Variants in SLC4A5 observed in about 807,000 individuals in gnomAD.
The protein encoded by SLC4A5 is solute carrier family 4 member 5, also known as electrogenic sodium bicarbonate cotransporter 4.
Under a neutral mutation model 120.4 loss-of-function variants are expected in SLC4A5, and 96 were observed. The observed-to-expected ratio is 0.80, with a 90% CI of 0.68 to 0.94. The LOEUF is 0.94. Among genes scored for constraint, SLC4A5 ranks in the 40% least tolerant of loss-of-function variants. The pLI, the probability that SLC4A5 is intolerant of heterozygous loss-of-function variation, is 0.00. For missense variants in SLC4A5, 1,259 were observed against 1,459.5 expected (o/e 0.86, Z 2.24); for synonymous variants, 550 against 571.1 (o/e 0.96, Z 0.53).
chr2:74,284,106 T>C (rs1671900497), intron 8 of SLC4A5, among the ~76,000 whole-genome samples: 2 of 151,422 alleles, frequency 1.3e-5, no homozygotes, highest in Non-Finnish European at 3.0e-5. Context: ...TCTTGGCCTC[T>C]CAAAATGTTG....
chr2:74,275,200 C>A (rs937853472), intron 8 of SLC4A5, among the ~76,000 whole-genome samples: 1 of 152,082 alleles, frequency 6.6e-6, no homozygotes, highest in African/African-American at 2.4e-5. Context: ...GTGTGGCATT[C>A]GAGGGAGCTG....
intron 11 of SLC4A5, among the ~76,000 whole-genome samples, chr2:74,261,080 C>A (rs1392381612): frequency 6.6e-6 from 1 of 152,190 alleles, no homozygotes; most frequent in African/African-American, 2.4e-5. Flanking sequence ...CCTCTCTGAT[C>A]CTTCCCCTGT....
rs1194264243 is a variant in SLC4A5 at position 74,239,316 on chromosome 2, A to C, written c.2319+19T>G. 6.2e-7 allele frequency: 1 copy of C among 1,612,966 alleles called. No homozygotes were observed. Among genetic ancestry groups the C allele is most frequent in the Admixed American group, 1.7e-5 (1 of 60,032 alleles). ...GCTGTCTGACTGCAGGTCCCCTCCT[A>C]ACTGCAGGGTGAGCTTACCTTGGTA... On this transcript the variant is annotated intron_variant, in intron 21 of 30. Transcript: ENST00000394019.
At chr2:74,285,553 T>C (rs1431855078) in intron 8 of SLC4A5, among the ~76,000 whole-genome samples, 1 of 152,224 alleles carries the variant, frequency 6.6e-6, no homozygotes, top group East Asian at 1.9e-4. Flanking sequence ...GGATGACTGT[T>C]CTATCTTCCC....
At position 74,233,640 on chromosome 2, in the gene SLC4A5, C is replaced by T. The variant is rs1050310808; in HGVS notation, c.2434-77G>A. The T allele has an allele frequency of 4.1e-6, 6 of 1,466,662 alleles. No homozygotes were observed. In the African/African-American group the frequency reaches 8.5e-5, roughly 21 times the overall value. The allele number at this position is 1,466,662 out of a possible 1,614,324, so 90.9% of individuals were successfully genotyped here. A position where few individuals can be genotyped will look rare whatever the true frequency, so the allele number is the denominator to read the frequency against. On this transcript the variant is annotated intron_variant, in intron 22 of 30. Coordinates refer to ENST00000394019, the Ensembl canonical transcript of SLC4A5. ...GCACTTGTCGCCTGGCCTGCTGTCCCACCTCCTCAACTTTCCCTGACTTTG... is the reference window on the plus strand; with the variant it reads ...GCACTTGTCGCCTGGCCTGCTGTCCTACCTCCTCAACTTTCCCTGACTTTG...
intron 4 of SLC4A5, among the ~76,000 whole-genome samples, chr2:74,330,134 G>GTAGATGGAGGTGGTGATATC (rs1025055684): frequency 1.3e-5 from 2 of 148,594 alleles, no homozygotes; most frequent in Non-Finnish European, 3.0e-5. Context: ...GTCGTGAGGT[G>GTAGATGGAGGTGGTGATATC]TAGATGGAGG....
At chr2:74,284,821 C>T (rs1421547522) in intron 8 of SLC4A5, among the ~76,000 whole-genome samples, 2 of 152,132 alleles carry the variant, frequency 1.3e-5, no homozygotes, top group African/African-American at 4.8e-5. Context: ...TTCTGCTCTC[C>T]GTATATATGG....
At position 74,260,029 on chromosome 2, in the gene SLC4A5, G is replaced by T. The variant is rs117681335; in HGVS notation, c.812-386C>A. On this transcript the variant is annotated intron_variant, in intron 11 of 30. Transcript: ENST00000394019. ...CCATGTGTCACTTAGCTTGGAATTTGCTGGAGGGGGAGCAGTTTCACCTCT... is the reference window on the plus strand; with the variant it reads ...CCATGTGTCACTTAGCTTGGAATTTTCTGGAGGGGGAGCAGTTTCACCTCT... Among the ~76,000 whole-genome samples, 41 of 152,324 alleles carry T rather than the reference G, an allele frequency of 2.7e-4. 2 individuals carry two copies. The East Asian group carries it at 6.9e-3, about 26-fold the overall frequency.
At chr2:74,251,094 A>T (rs558503779) in intron 16 of SLC4A5, among the ~76,000 whole-genome samples, 1 of 152,276 alleles carries the variant, frequency 6.6e-6, no homozygotes, top group South Asian at 2.1e-4. Flanking sequence ...AGAGTTTCTC[A>T]ACCTCAGTTC....
Position 74,255,875 on chromosome 2 carries a change from C to A in SLC4A5, c.925G>T (p.Val309Leu). 1 of 1,614,182 alleles carries A rather than the reference C, an allele frequency of 6.2e-7. No individual in the cohort carries two copies. The highest frequency in any genetic ancestry group is 1.3e-5 in the African/African-American group (1 of 75,038). ...TGGTCTAGGAAGTCCACCTCGCCCA[C>A]GAGCACGTTGGACGCTTCTGAGTCC... The change falls in exon 13 of 31, where the codon GTG (valine) becomes TTG (leucine). Residue 309 changes from valine to leucine, a missense_variant. Val to Leu is a conservative substitution (Grantham distance 32, BLOSUM62 1). Coordinates refer to ENST00000394019, the Ensembl canonical transcript of SLC4A5. This position sits in a 1 kb window ranked among gnomAD's most constrained non-coding sequence, Gnocchi z 4.0.
intron 2 of SLC4A5, among the ~76,000 whole-genome samples, chr2:74,341,296 C>T (rs936768586): frequency 2.3e-5 from 3 of 128,140 alleles, no homozygotes; most frequent in African/African-American, 3.4e-5. Flanking sequence ...CAGAGCGAGA[C>T]TCCATCTCAA....
intron 6 of SLC4A5, among the ~76,000 whole-genome samples, chr2:74,310,950 G>A (rs1016725983): frequency 7.4e-6 from 1 of 134,842 alleles, no homozygotes; most frequent in Non-Finnish European, 1.6e-5. Context: ...TTTTTTTTTT[G>A]GTAAGTTGTT....
chr2:74,251,840 G>A (rs1670801784), intron 16 of SLC4A5, among the ~76,000 whole-genome samples: 1 of 152,210 alleles, frequency 6.6e-6, no homozygotes, highest in African/African-American at 2.4e-5. Flanking sequence ...CACCTGCTGT[G>A]GAACTCCTGG....
intron 21 of SLC4A5, among the ~76,000 whole-genome samples, chr2:74,238,119 T>A (rs954862621): frequency 2.0e-5 from 3 of 151,548 alleles, no homozygotes; most frequent in Admixed American, 6.6e-5. Context: ...ATAATAATAA[T>A]AAAATAATAA....
intron 6 of SLC4A5, chr2:74,307,143 G>C (rs1316719458): frequency 3.6e-6 from 2 of 558,800 alleles, no homozygotes; most frequent in Non-Finnish European, 6.7e-6. Context: ...CATCATCTCA[G>C]CAGCTCCAAC....
At chr2:74,340,454 CA>C (rs1346681120) in intron 2 of SLC4A5, among the ~76,000 whole-genome samples, 3 of 152,000 alleles carry the variant, frequency 2.0e-5, no homozygotes, top group African/African-American at 2.4e-5. Flanking sequence ...GAACCAGGAC[CA>C]GGGGAAGAGG....
chr2:74,276,802 T>A (rs1671656722), intron 8 of SLC4A5, among the ~76,000 whole-genome samples: 1 of 146,242 alleles, frequency 6.8e-6, no homozygotes, highest in South Asian at 2.1e-4. Context: ...GATAGGGCAA[T>A]CAAAGTTGGA....
intron 7 of SLC4A5, among the ~76,000 whole-genome samples, chr2:74,297,719 TATTC>T (rs1672374697): frequency 6.6e-6 from 1 of 152,236 alleles, no homozygotes; most frequent in Non-Finnish European, 1.5e-5. Context: ...TTGATGATTC[TATTC>T]ATCATATGAG....
Position 74,239,551 on chromosome 2 carries a change from C to T in SLC4A5, c.2119-16G>A. 6.2e-7 allele frequency: 1 copy of T among 1,613,440 alleles called. No homozygotes were observed. On this transcript the variant is annotated splice_polypyrimidine_tract_variant and intron_variant, in intron 20 of 30. Coordinates refer to ENST00000394019, the Ensembl canonical transcript of SLC4A5. ...GGAGGTTGTACTTGGAGACCAAGCA[C>T]AGGAGAGAATGGGTCAGCATCTTCC...
Sources: gnomAD v4.1 joint callset for allele counts (sites outside exome capture counted in the v4.1 genomes callset) on GRCh38, gnomAD v4.1.1 for gene constraint, Gnocchi (gnomAD v3.1) non-coding constraint, MANE v1.5 for transcripts, NCBI Gene and HGNC (gene_info 2026-07-23, HGNC 2026-07-21) for gene names.